KCND2: variants seen among roughly 807,000 people sequenced by gnomAD.
The protein encoded by KCND2 is A-type voltage-gated potassium channel KCND2.
In KCND2, 16 loss-of-function variants were observed where a neutral mutation model predicts 54.4. The observed-to-expected ratio is 0.29, with a 90% CI of 0.20 to 0.45. The LOEUF (loss-of-function observed/expected upper bound fraction) is 0.45. KCND2 is among the 20% of genes least tolerant of loss of function. The probability of loss-of-function intolerance (pLI) is 1.00; values close to 1 mark genes in which losing one functional copy is unlikely to be tolerated. For synonymous variants in KCND2, 317 were observed against 310.7 expected, an observed-to-expected ratio of 1.02 and a Z score of -0.21; for missense variants, 486 against 824.2, an observed-to-expected ratio of 0.59 and a Z score of 5.02.
rs983142467 is a variant in KCND2 at position 120,533,275 on chromosome 7, G to T, written c.1116-199628G>T. On this transcript the variant is annotated intron_variant, in intron 1 of 5. Transcript: ENST00000331113. ...GTCTACATTATGATCTTTAGACATG[G>T]TGTACATTCTCACCTTTTGCCGAAC... is the stretch of plus-strand genomic sequence containing the variant. 2.6e-5 allele frequency among the ~76,000 whole-genome samples: 4 copies of T among 151,950 alleles called. No homozygotes were observed. The East Asian group carries it at 5.8e-4, about 22-fold the overall frequency.
intron 1 of KCND2, among the ~76,000 whole-genome samples, chr7:120,621,079 C>T (rs1445626058): frequency 6.6e-6 from 1 of 151,716 alleles, no homozygotes; most frequent in African/African-American, 2.4e-5. Flanking sequence ...TCGAGACCAG[C>T]CTGACCAACA....
intron 1 of KCND2, among the ~76,000 whole-genome samples, chr7:120,361,247 T>C (rs567852053): frequency 6.6e-6 from 1 of 152,094 alleles, no homozygotes; most frequent in Non-Finnish European, 1.5e-5. Flanking sequence ...AAGTTCTCTT[T>C]AGCTTGTTCT....
chr7:120,462,391 T>C (rs1394798229), intron 1 of KCND2, among the ~76,000 whole-genome samples: 3 of 152,020 alleles, frequency 2.0e-5, no homozygotes, highest in East Asian at 3.8e-4. Context: ...CACTCAACTC[T>C]CTTGTACAAA....
rs1326284861 is a variant in KCND2, at chr7:120,548,385, A to T, written c.1116-184518A>T. 3.3e-5 allele frequency among the ~76,000 whole-genome samples: 5 copies of T among 152,206 alleles called. 1 individual carries two copies. The South Asian group carries it at 1.0e-3, about 32-fold the overall frequency. On this transcript the variant is annotated intron_variant, in intron 1 of 5. Coordinates refer to ENST00000331113, the MANE Select transcript of KCND2 (RefSeq NM_012281.3). ...TCTTTTCCTTCATCGGCTACTAGGG[A>T]AGCAAGTAGAGTTCTTCTTTAGTTT...
intron 1 of KCND2, among the ~76,000 whole-genome samples, chr7:120,352,489 CACACACACAA>C (rs1431659538): frequency 3.3e-5 from 5 of 149,346 alleles, no homozygotes; most frequent in African/African-American, 4.9e-5. Context: ...CACACACACA[CACACACACAA>C]CATTCATGAA....
At chr7:120,636,487 T>A (rs761028841) in intron 1 of KCND2, among the ~76,000 whole-genome samples, 4 of 152,140 alleles carry the variant, frequency 2.6e-5, no homozygotes, top group Non-Finnish European at 5.9e-5. Context: ...ATTTTTTGCA[T>A]AATTAAGTAA....
At chr7:120,313,398 A>G (rs1189129103) in intron 1 of KCND2, among the ~76,000 whole-genome samples, 1 of 152,208 alleles carries the variant, frequency 6.6e-6, no homozygotes, top group Non-Finnish European at 1.5e-5. Flanking sequence ...TTATAAAGGT[A>G]AAGACATTTT....
intron 1 of KCND2, among the ~76,000 whole-genome samples, chr7:120,717,215 A>G (rs1792614095): frequency 6.6e-6 from 1 of 152,202 alleles, no homozygotes; most frequent in Middle Eastern, 3.4e-3. Flanking sequence ...AGGAGGATCA[A>G]ATGCTTCGAG....
In KCND2 at chr7:120,748,031, A is replaced by G. The variant is rs1028055777; in HGVS notation, c.*173A>G. ...GATGTGAATAAAACCACCAAATGGC[A>G]TTTCTAGACAGTTTGACCTGTTATA... On this transcript the variant is annotated 3_prime_UTR_variant, in exon 6 of 6. Coordinates refer to ENST00000331113, the MANE Select transcript of KCND2 (RefSeq NM_012281.3). 1.3e-5 allele frequency: 8 copies of G among 604,102 alleles called. No individual in the cohort carries two copies. Among genetic ancestry groups the G allele is most frequent in the African/African-American group, 1.1e-4 (6 of 53,924 alleles). The allele number at this position is 604,102 out of a possible 1,614,324, so 37.4% of individuals were successfully genotyped here.
chr7:120,571,206 T>C (rs896009823), intron 1 of KCND2, among the ~76,000 whole-genome samples: 3 of 152,242 alleles, frequency 2.0e-5, no homozygotes, highest in Non-Finnish European at 4.4e-5. Context: ...CAGCCTTTAC[T>C]ATATTTAGCC....
At chr7:120,383,763 T>A (rs778789775) in intron 1 of KCND2, among the ~76,000 whole-genome samples, 8 of 152,108 alleles carry the variant, frequency 5.3e-5, no homozygotes, top group Non-Finnish European at 1.2e-4. Context: ...AGTGTAAAGC[T>A]TAACTACAGG....
chr7:120,734,836 A>C (rs1270600345), intron 2 of KCND2, among the ~76,000 whole-genome samples: 1 of 152,124 alleles, frequency 6.6e-6, no homozygotes, highest in African/African-American at 2.4e-5. Context: ...ATCATGAGAG[A>C]CTTTGATATA....
intron 1 of KCND2, among the ~76,000 whole-genome samples, chr7:120,409,216 G>A (rs191072731): frequency 6.6e-6 from 1 of 151,772 alleles, no homozygotes; most frequent in Non-Finnish European, 1.5e-5. Flanking sequence ...CCCTTTCTTG[G>A]TAAAGAACTT....
intron 1 of KCND2, chr7:120,464,196 A>G (rs1802333122): frequency 1.4e-5 from 5 of 355,256 alleles, no homozygotes; most frequent in Non-Finnish European, 2.0e-5. Flanking sequence ...CGTGCAAGCT[A>G]GTTGGATATT....
At chr7:120,547,862 C>T (rs1393634745) in intron 1 of KCND2, among the ~76,000 whole-genome samples, 2 of 151,952 alleles carry the variant, frequency 1.3e-5, no homozygotes, top group African/African-American at 4.8e-5. Flanking sequence ...CAGCTTTCTT[C>T]ACCTTTGTAT....
chr7:120,613,532 G>T (rs533891990), intron 1 of KCND2, among the ~76,000 whole-genome samples: 13 of 152,054 alleles, frequency 8.5e-5, no homozygotes, highest in South Asian at 6.2e-4. Flanking sequence ...CTCCATCTTG[G>T]GGGGGAAGAA....
rs570390807 is a variant in KCND2, at chr7:120,479,779, T to A, written c.1115+204032T>A. ...CCCCATCTCTAAATATATATATATATAAACTATACACACACACAAAAAAAA... is the reference window on the plus strand; with the variant it reads ...CCCCATCTCTAAATATATATATATAAAAACTATACACACACACAAAAAAAA... On this transcript the variant is annotated intron_variant, in intron 1 of 5. Transcript: ENST00000331113. Among the ~76,000 whole-genome samples, 637 of 97,964 alleles carry A rather than the reference T, an allele frequency of 6.5e-3. 2 individuals carry two copies. Among genetic ancestry groups the A allele is most frequent in the African/African-American group, 0.025 (589 of 23,334 alleles). The allele number at this position is 97,964 out of a possible 152,430, so 64.3% of individuals were successfully genotyped here. A position where few individuals can be genotyped will look rare whatever the true frequency, so the allele number is the denominator to read the frequency against.
intron 1 of KCND2, among the ~76,000 whole-genome samples, chr7:120,437,204 C>CTTTTTTTTTTTT (rs66518858): frequency 2.3e-5 from 3 of 130,400 alleles, no homozygotes; most frequent in Admixed American, 8.1e-5. Flanking sequence ...CAATATACAA[C>CTTTTTTTTTTTT]TTTTTTTTTT....
rs1799124405 is a variant in KCND2 at position 120,273,829 on chromosome 7, G to C, written c.-804G>C. On this transcript the variant is annotated 5_prime_UTR_variant, in exon 1 of 6. Transcript: ENST00000331113. ...ATGCTGCTGCCGCCACGGCGGCGGC[G>C]GCTGCCAGCTCCTGAGCTCTGTAAC... 1 of 152,882 alleles carries C rather than the reference G, an allele frequency of 6.5e-6. No individual in the cohort carries two copies. The highest frequency in any genetic ancestry group is 6.5e-5 in the Admixed American group (1 of 15,282). The allele number at this position is 152,882 out of a possible 1,614,324, so 9.5% of individuals were successfully genotyped here.
Sources: gnomAD v4.1 joint callset for allele counts (sites outside exome capture counted in the v4.1 genomes callset) on GRCh38, gnomAD v4.1.1 for gene constraint, MANE v1.5 for transcripts, NCBI Gene and HGNC (gene_info 2026-07-23, HGNC 2026-07-21) for gene names.